The following MAGI1 variants were observed in gnomAD, a reference collection of about 807,000 sequenced individuals.
The protein encoded by MAGI1 is membrane-associated guanylate kinase, WW and PDZ domain-containing protein 1.
A neutral mutation model predicts 139.9 loss-of-function variants in MAGI1; 58 were observed. The observed-to-expected ratio is 0.41, with a 90% CI of 0.34 to 0.52. The LOEUF is 0.52. MAGI1 is among the 20% of genes least tolerant of loss of function. The probability of loss-of-function intolerance (pLI) is 0.12; values close to 1 mark genes in which losing one functional copy is unlikely to be tolerated. For missense variants in MAGI1, 1,874 were observed against 1,901.6 expected, an observed-to-expected ratio of 0.99 and a Z score of 0.27; for synonymous variants, 812 against 737.9, an observed-to-expected ratio of 1.10 and a Z score of -1.63.
chr3:65,978,817 G>C (rs2065400184), intron 1 of MAGI1, among the ~76,000 whole-genome samples: 2 of 151,690 alleles, frequency 1.3e-5, no homozygotes, highest in African/African-American at 2.4e-5. Context: ...AGTACAGACG[G>C]GGTCTCATCA....
At chr3:65,365,260 G>GA (rs1412591716) in intron 18 of MAGI1, 3 of 534,164 alleles carry the variant, frequency 5.6e-6, no homozygotes, top group African/African-American at 3.8e-5. Flanking sequence ...CCCTGCCACT[G>GA]AAAAAAGGCA....
chr3:65,785,290 G>C (rs1167409508), intron 1 of MAGI1, among the ~76,000 whole-genome samples: 2 of 152,138 alleles, frequency 1.3e-5, no homozygotes, highest in Non-Finnish European at 2.9e-5. Flanking sequence ...AGAAAACCGA[G>C]TGTCTAACAT....
chr3:65,470,521 G>GAA (rs776056098), intron 4 of MAGI1, 37 bp from the exon 5 acceptor site: 65 of 1,137,512 alleles, frequency 5.7e-5, no homozygotes, highest in Middle Eastern at 2.1e-4. Flanking sequence ...GAGAGAGAGA[G>GAA]AGAAAAAAAA....
At chr3:65,519,395 AT>A (rs879368392) in intron 2 of MAGI1, among the ~76,000 whole-genome samples, 94 of 145,414 alleles carry the variant, frequency 6.5e-4, no homozygotes, top group Non-Finnish European at 1.1e-3. Context: ...CATATATATA[AT>A]TTTTTTTTGG....
At chr3:65,414,006 C>A (rs768583691) in intron 12 of MAGI1, among the ~76,000 whole-genome samples, 1 of 152,154 alleles carries the variant, frequency 6.6e-6, no homozygotes, top group African/African-American at 2.4e-5. Flanking sequence ...CAACAACTTT[C>A]TCACTGTGGA....
At chr3:65,759,688 G>A (rs1029895860) in intron 1 of MAGI1, among the ~76,000 whole-genome samples, 16 of 152,116 alleles carry the variant, frequency 1.1e-4, no homozygotes, top group African/African-American at 3.6e-4. Flanking sequence ...GTTATTAAAG[G>A]CATAAAAGAA....
chr3:65,401,258 C>G (rs1281197530), intron 13 of MAGI1, among the ~76,000 whole-genome samples, 181 bp downstream of exon 13: 2 of 152,070 alleles, frequency 1.3e-5, no homozygotes, highest in Non-Finnish European at 2.9e-5. Flanking sequence ...AAGACAAGCC[C>G]AAATACCTTG....
chr3:65,569,456 A>G (rs1348569505), intron 2 of MAGI1, among the ~76,000 whole-genome samples: 2 of 152,234 alleles, frequency 1.3e-5, no homozygotes, highest in African/African-American at 4.8e-5. Flanking sequence ...TTTTACCACT[A>G]TAAAAAAGAT....
chr3:65,997,036 T>G (rs2107408236), intron 1 of MAGI1, among the ~76,000 whole-genome samples: 1 of 152,316 alleles, frequency 6.6e-6, no homozygotes, highest in Non-Finnish European at 1.5e-5. Context: ...GAGGCAGAAA[T>G]TTAATTGGGA....
intron 2 of MAGI1, among the ~76,000 whole-genome samples, chr3:65,581,505 C>T (rs1010168634): frequency 6.6e-6 from 1 of 152,132 alleles, no homozygotes; most frequent in African/African-American, 2.4e-5. Context: ...TTCCTCTGCT[C>T]ACTTTGTCCC....
chr3:65,567,263 T>G (rs1440011399), intron 2 of MAGI1, among the ~76,000 whole-genome samples: 1 of 149,568 alleles, frequency 6.7e-6, no homozygotes, highest in East Asian at 2.0e-4. Context: ...AACTTTTGTT[T>G]GGAGATAATG....
At chr3:65,580,850 C>T (rs1424258885) in intron 2 of MAGI1, among the ~76,000 whole-genome samples, 1 of 152,122 alleles carries the variant, frequency 6.6e-6, no homozygotes, top group Non-Finnish European at 1.5e-5. Flanking sequence ...AATTCAGCAG[C>T]CTTCCCTGGT....
intron 2 of MAGI1, among the ~76,000 whole-genome samples, chr3:65,518,119 A>T (rs985350929): frequency 1.1e-4 from 16 of 152,176 alleles, no homozygotes; most frequent in Admixed American, 5.2e-4. Context: ...GAATGAATGT[A>T]TCCCTCTAGT....
At chr3:65,608,391 C>A (rs931819376) in intron 2 of MAGI1, among the ~76,000 whole-genome samples, 2 of 151,798 alleles carry the variant, frequency 1.3e-5, no homozygotes, top group Non-Finnish European at 2.9e-5. Flanking sequence ...GCCGAGATTG[C>A]GCCATTGCAC....
chr3:65,560,759 C>T (rs1330730986), intron 2 of MAGI1, among the ~76,000 whole-genome samples: 1 of 152,150 alleles, frequency 6.6e-6, no homozygotes, highest in Non-Finnish European at 1.5e-5. Flanking sequence ...GGGTTTTCTA[C>T]TATGGTGCCC....
intron 1 of MAGI1, among the ~76,000 whole-genome samples, chr3:65,747,187 A>G (rs535178924): frequency 3.9e-5 from 6 of 152,360 alleles, no homozygotes; most frequent in African/African-American, 1.4e-4. Context: ...TAGGTGTATG[A>G]AAGTGGTTCT....
intron 13 of MAGI1, among the ~76,000 whole-genome samples, chr3:65,398,254 CTG>C (rs1944548876): frequency 6.6e-6 from 1 of 152,144 alleles, no homozygotes; most frequent in Admixed American, 6.6e-5. Flanking sequence ...TGGCACATGA[CTG>C]TAATCCCAGC....
At chr3:65,387,247 T>C (rs1163196680) in intron 14 of MAGI1, 1 of 1,592,488 alleles carries the variant, frequency 6.3e-7, no homozygotes, top group South Asian at 1.1e-5. Flanking sequence ...AATTTCACAA[T>C]TTTGCAAAGC....
intron 1 of MAGI1, among the ~76,000 whole-genome samples, chr3:65,716,383 T>G (rs781051610): frequency 6.6e-6 from 1 of 151,992 alleles, no homozygotes; most frequent in African/African-American, 2.4e-5. Flanking sequence ...AGAAGGAAAA[T>G]AAAAATAATA....
Sources: gnomAD v4.1 joint callset for allele counts (sites outside exome capture counted in the v4.1 genomes callset) on GRCh38, gnomAD v4.1.1 for gene constraint, MANE v1.5 for transcripts, NCBI Gene and HGNC (gene_info 2026-07-23, HGNC 2026-07-21) for gene names.